Variants in KCNIP4 observed in about 807,000 individuals in gnomAD.
KCNIP4 encodes Kv channel-interacting protein 4.
KCNIP4 carries 12 observed loss-of-function variants against 34.0 expected under a neutral mutation model. That is an observed-to-expected ratio of 0.35 (90% CI 0.23 to 0.57). The LOEUF (loss-of-function observed/expected upper bound fraction) is 0.57, where lower values mean the gene tolerates loss of function less well. Ranked by LOEUF, KCNIP4 falls within the 20% of genes least tolerant of loss-of-function variation. The pLI is 0.83. For missense variants in KCNIP4, 238 were observed against 311.7 expected, an observed-to-expected ratio of 0.76 and a Z score of 1.78; for synonymous variants, 124 against 102.2, an observed-to-expected ratio of 1.21 and a Z score of -1.29.
At chr4:21,134,211 C>T (rs1751323051) in intron 1 of KCNIP4, among the ~76,000 whole-genome samples, 1 of 152,140 alleles carries the variant, frequency 6.6e-6, no homozygotes. Flanking sequence ...GTAAGACCAA[C>T]CCCTCCTCTT....
intron 1 of KCNIP4, among the ~76,000 whole-genome samples, chr4:21,401,878 A>G: frequency 6.6e-6 from 1 of 152,214 alleles, no homozygotes; most frequent in South Asian, 2.1e-4. Flanking sequence ...AGTCAGGTCT[A>G]TATTTTCCAA....
At chr4:21,267,898 T>C (rs1339876478) in intron 1 of KCNIP4, among the ~76,000 whole-genome samples, 1 of 151,416 alleles carries the variant, frequency 6.6e-6, no homozygotes, top group African/African-American at 2.4e-5. Context: ...CTTTTTCTAT[T>C]GATTGGAATA....
chr4:20,805,068 T>C (rs994251413), intron 3 of KCNIP4, among the ~76,000 whole-genome samples: 6 of 152,006 alleles, frequency 3.9e-5, no homozygotes, highest in Non-Finnish European at 8.8e-5. Context: ...AAGTAGGTAG[T>C]GGTAGGTCAG....
intron 1 of KCNIP4, among the ~76,000 whole-genome samples, chr4:21,665,517 C>T (rs78545512): frequency 4.0e-5 from 6 of 149,932 alleles, no homozygotes; most frequent in Non-Finnish European, 5.9e-5. Context: ...GGGCACCCCC[C>T]CCCCCTCATT....
intron 1 of KCNIP4, among the ~76,000 whole-genome samples, chr4:21,234,325 A>G (rs1759143557): frequency 1.7e-5 from 2 of 117,080 alleles, no homozygotes; most frequent in South Asian, 2.4e-4. Flanking sequence ...TATATAACAT[A>G]TATAAATTAT....
At chr4:21,062,835 T>C (rs1362978769) in intron 1 of KCNIP4, among the ~76,000 whole-genome samples, 1 of 152,036 alleles carries the variant, frequency 6.6e-6, no homozygotes, top group Non-Finnish European at 1.5e-5. Context: ...CTATTTAGGT[T>C]TTCAACAAAT....
chr4:20,968,956 A>G (rs1734657910), intron 1 of KCNIP4, among the ~76,000 whole-genome samples: 1 of 152,120 alleles, frequency 6.6e-6, no homozygotes, highest in Non-Finnish European at 1.5e-5. Context: ...AAATAGAGAT[A>G]TTACTCTCTC....
intron 3 of KCNIP4, among the ~76,000 whole-genome samples, chr4:20,786,906 C>A (rs138959895): frequency 6.6e-6 from 1 of 152,044 alleles, no homozygotes; most frequent in Non-Finnish European, 1.5e-5. Context: ...GTTTTGTTAA[C>A]GTAAGACGGG....
chr4:21,186,211 TTTA>T (rs1321663918), intron 1 of KCNIP4, among the ~76,000 whole-genome samples: 5 of 151,558 alleles, frequency 3.3e-5, no homozygotes, highest in African/African-American at 1.2e-4. Flanking sequence ...GCTCAGAACT[TTTA>T]TTATCCTGAA....
intron 1 of KCNIP4, among the ~76,000 whole-genome samples, chr4:20,905,721 T>C (rs549006081): frequency 1.3e-5 from 2 of 151,484 alleles, no homozygotes; most frequent in Non-Finnish European, 2.9e-5. Context: ...GGGGTTTCAC[T>C]GTATTGGCTG....
In KCNIP4 at chr4:21,290,906, A is replaced by C. The variant is rs185828198; in HGVS notation, c.62-408197T>G. Among the ~76,000 whole-genome samples, 282 of 152,314 alleles carry C rather than the reference A, an allele frequency of 1.9e-3. 2 individuals carry two copies. The highest frequency in any genetic ancestry group is 6.3e-3 in the African/African-American group (263 of 41,562). On this transcript the variant is annotated intron_variant, in intron 1 of 8. Transcript: ENST00000382152. ...AGCCAGAACTAGTCATTGTAAGCTA[A>C]GCACTTCATGTCTATTAAATATGTA...
chr4:21,719,977 AAAG>A (rs34666964), intron 1 of KCNIP4, among the ~76,000 whole-genome samples: 4 of 133,520 alleles, frequency 3.0e-5, no homozygotes, highest in African/African-American at 8.5e-5. Flanking sequence ...AAAAAAAAAA[AAAG>A]AAGAAGAGGA....
At chr4:20,980,444 G>C (rs542877542) in intron 1 of KCNIP4, among the ~76,000 whole-genome samples, 1 of 152,196 alleles carries the variant, frequency 6.6e-6, no homozygotes, top group South Asian at 2.1e-4. Flanking sequence ...TTTACAAATT[G>C]CTTTTGAGTC....
At chr4:21,863,403 C>T (rs1725217848) in intron 1 of KCNIP4, among the ~76,000 whole-genome samples, 1 of 152,118 alleles carries the variant, frequency 6.6e-6, no homozygotes, top group African/African-American at 2.4e-5. Flanking sequence ...GAGTATGTCA[C>T]ATAAACCTGA....
chr4:20,751,204 A>C (rs998443780), intron 4 of KCNIP4, among the ~76,000 whole-genome samples: 4 of 152,232 alleles, frequency 2.6e-5, no homozygotes, highest in African/African-American at 7.2e-5. Flanking sequence ...CTTTGAACAC[A>C]GGAATTACCA....
chr4:21,098,214 A>G (rs1747628437), intron 1 of KCNIP4, among the ~76,000 whole-genome samples: 1 of 152,228 alleles, frequency 6.6e-6, no homozygotes. Context: ...TCTCCATAAT[A>G]TAAGAAGCAG....
At chr4:20,779,901 A>C (rs1001142532) in intron 3 of KCNIP4, among the ~76,000 whole-genome samples, 9 of 152,188 alleles carry the variant, frequency 5.9e-5, no homozygotes, top group African/African-American at 2.2e-4. Context: ...GGCCCTGCTA[A>C]CACCTTGATT....
At chr4:21,883,840 G>A (rs188820160) in intron 1 of KCNIP4, among the ~76,000 whole-genome samples, 74 of 152,110 alleles carry the variant, frequency 4.9e-4, no homozygotes, top group Admixed American at 1.1e-3. Context: ...CCTTCAAATC[G>A]ACTGATGAAT....
At chr4:21,618,067 C>T (rs1226732488) in intron 1 of KCNIP4, among the ~76,000 whole-genome samples, 3 of 152,158 alleles carry the variant, frequency 2.0e-5, no homozygotes, top group Non-Finnish European at 4.4e-5. Context: ...ACTGATGGTA[C>T]ATATGATGCT....
Sources: allele counts gnomAD v4.1 joint callset (sites outside exome capture counted in the v4.1 genomes callset), GRCh38; gene constraint gnomAD v4.1.1; transcripts MANE v1.5; gene names NCBI Gene and HGNC (gene_info 2026-07-23, HGNC 2026-07-21).